The following RANBP9 variants were observed in gnomAD, a reference collection of about 807,000 sequenced individuals.
The protein encoded by RANBP9 is ran-binding protein 9.
Under a neutral mutation model 84.3 loss-of-function variants are expected in RANBP9, and 15 were observed. That is an observed-to-expected ratio of 0.18 (90% CI 0.12 to 0.27). RANBP9 has a LOEUF of 0.27. RANBP9 is among the 10% of genes least tolerant of loss of function. RANBP9 has a pLI of 1.00. For synonymous variants in RANBP9, 392 were observed against 349.6 expected (o/e 1.12, Z -1.35); for missense variants, 809 against 912.8 (o/e 0.89, Z 1.46).
At chr6:13,622,649 G>A (rs1267138284) in intron 13 of RANBP9, among the ~76,000 whole-genome samples, 157 bp from the exon 14 acceptor site, 1 of 148,726 alleles carries the variant, frequency 6.7e-6, no homozygotes, top group African/African-American at 2.6e-5. Context: ...GACAGATGCC[G>A]CCTTGGACAT....
At chr6:13,704,164 T>C (rs1758041282) in intron 1 of RANBP9, among the ~76,000 whole-genome samples, 1 of 152,216 alleles carries the variant, frequency 6.6e-6, no homozygotes, top group African/African-American at 2.4e-5. Context: ...GCAATAGTCT[T>C]CTAAATGAAT....
At chr6:13,655,933 G>T (rs932731516) in intron 4 of RANBP9, among the ~76,000 whole-genome samples, 4 of 152,148 alleles carry the variant, frequency 2.6e-5, no homozygotes, top group Non-Finnish European at 4.4e-5. Context: ...TTTGCATGGG[G>T]TCCTTAACAT....
In RANBP9 at chr6:13,711,256, GCGGCGGGGC is replaced by G; in HGVS notation, c.241_249del (p.Ala81_Pro83del). ...GGGGGAGGCGGGGGCGGCGGCGGGG[GCGGCGGGGC>G]CGCGGTGGCCGGGGGCGGCGGCGGC... is the stretch of plus-strand genomic sequence containing the variant. On this transcript the variant is annotated inframe_deletion, in exon 1 of 14. Coordinates refer to ENST00000011619, the MANE Select transcript of RANBP9 (RefSeq NM_005493.3). 1 of 981,586 alleles carries G rather than the reference GCGGCGGGGC, an allele frequency of 1.0e-6. No individual in the cohort carries two copies. The highest frequency in any genetic ancestry group is 1.2e-6 in the Non-Finnish European group (1 of 827,732). 60.8% of individuals were successfully genotyped at this position (981,586 alleles called of 1,614,324 possible).
chr6:13,694,058 A>G (rs1766386137), intron 2 of RANBP9, among the ~76,000 whole-genome samples: 1 of 152,200 alleles, frequency 6.6e-6, no homozygotes, highest in Admixed American at 6.5e-5. Flanking sequence ...AAAAACAAAA[A>G]CAAACAAACA....
At chr6:13,631,799 C>G (rs147538451) in intron 12 of RANBP9, among the ~76,000 whole-genome samples, 1 of 152,332 alleles carries the variant, frequency 6.6e-6, no homozygotes, top group African/African-American at 2.4e-5. Context: ...GGCTACTTTA[C>G]TGAATTAGAT....
intron 4 of RANBP9, among the ~76,000 whole-genome samples, chr6:13,654,221 C>A (rs569801128): frequency 6.6e-6 from 1 of 152,048 alleles, no homozygotes; most frequent in South Asian, 2.1e-4. Flanking sequence ...AATCAGACCA[C>A]GAAAAGATGC....
At chr6:13,672,963 G>C (rs754857083) in intron 2 of RANBP9, among the ~76,000 whole-genome samples, 15 of 151,836 alleles carry the variant, frequency 9.9e-5, no homozygotes, top group Non-Finnish European at 2.2e-4. Context: ...AGAAGGAGAA[G>C]AAACAAAGAA....
rs774189458 is a variant in RANBP9 at position 13,658,850 on chromosome 6, G to A, written c.684-18C>T. The A allele has an allele frequency of 6.4e-7, 1 of 1,551,018 alleles. No individual in the cohort carries two copies. The highest frequency in any genetic ancestry group is 1.1e-5 in the South Asian group (1 of 89,678). ...CCATGTAACTGTTGGCGGAGGTTGG[G>A]GGAGAGAAGAAAAGGACATTATTAC... On this transcript the variant is annotated intron_variant, in intron 2 of 13. Transcript: ENST00000011619.
intron 2 of RANBP9, among the ~76,000 whole-genome samples, chr6:13,682,450 T>C (rs986168399): frequency 2.0e-5 from 3 of 150,422 alleles, no homozygotes; most frequent in Admixed American, 2.0e-4. Flanking sequence ...ATGTTCTTAA[T>C]ACATAATTTT....
chr6:13,678,497 A>G (rs1325194059), intron 2 of RANBP9, among the ~76,000 whole-genome samples: 1 of 152,236 alleles, frequency 6.6e-6, no homozygotes, highest in South Asian at 2.1e-4. Context: ...CTGAGTCTAC[A>G]GCCAAATCCA....
intron 2 of RANBP9, among the ~76,000 whole-genome samples, chr6:13,673,173 A>G (rs537022486): frequency 1.3e-5 from 2 of 152,172 alleles, no homozygotes; most frequent in African/African-American, 4.8e-5. Context: ...CACTCACTCT[A>G]TATAAAAGAA....
rs376211989 is a variant in RANBP9 at position 13,693,856 on chromosome 6, A to G, written c.683+2929T>C. Among the ~76,000 whole-genome samples, 25 of 152,204 alleles carry G rather than the reference A, an allele frequency of 1.6e-4. No individual in the cohort carries two copies. In the South Asian group the frequency reaches 4.6e-3, roughly 28 times the overall value. On this transcript the variant is annotated intron_variant, in intron 2 of 13. Coordinates refer to ENST00000011619, the MANE Select transcript of RANBP9 (RefSeq NM_005493.3). ...TCAGGCGCTCGAGACCAGCCTGGCC[A>G]ACATTGTGAAACCCTGTCTCTACTA...
In RANBP9 at chr6:13,649,055, G is replaced by A. The variant is rs76146777; in HGVS notation, c.927+3604C>T. On this transcript the variant is annotated intron_variant, in intron 5 of 13. Coordinates refer to ENST00000011619, the MANE Select transcript of RANBP9 (RefSeq NM_005493.3). ...GGTGCAGAACAATCTAGGTAAACTG[G>A]TTTTTCTGCAAATATACTTTCTCTC... is the stretch of plus-strand genomic sequence containing the variant. Among the ~76,000 whole-genome samples the A allele has an allele frequency of 3.6e-3, 553 of 152,262 alleles. 3 individuals carry two copies. Among genetic ancestry groups the A allele is most frequent in the African/African-American group, 0.013 (526 of 41,546 alleles).
At chr6:13,685,733 T>C (rs1766158545) in intron 2 of RANBP9, among the ~76,000 whole-genome samples, 1 of 151,934 alleles carries the variant, frequency 6.6e-6, no homozygotes, top group Non-Finnish European at 1.5e-5. Flanking sequence ...ATCGAGACCA[T>C]CCTGGCCAAC....
intron 2 of RANBP9, among the ~76,000 whole-genome samples, chr6:13,661,268 A>G (rs565301839): frequency 3.9e-5 from 6 of 152,326 alleles, no homozygotes; most frequent in Non-Finnish European, 7.4e-5. Flanking sequence ...AATACTCTCA[A>G]TATCATGCTG....
chr6:13,700,057 T>A (rs1042981838), intron 1 of RANBP9, among the ~76,000 whole-genome samples: 1 of 152,182 alleles, frequency 6.6e-6, no homozygotes, highest in Non-Finnish European at 1.5e-5. Context: ...CTTTTAAAAC[T>A]ACAAAGTCTT....
chr6:13,693,661 C>A (rs548768591), intron 2 of RANBP9, among the ~76,000 whole-genome samples: 2 of 152,232 alleles, frequency 1.3e-5, no homozygotes, highest in African/African-American at 4.8e-5. Context: ...TGTCACTCAA[C>A]AAGCACATGA....
Position 13,701,832 on chromosome 6 carries a change from T to C in RANBP9, c.572-4936A>G, listed in dbSNP as rs563341067. On this transcript the variant is annotated intron_variant, in intron 1 of 13. Transcript: ENST00000011619. ...CATTAGCTATGGTCATATTCAACTCTCCACTCTTTTATTACAAAGTGATCT... is the reference window on the plus strand; with the variant it reads ...CATTAGCTATGGTCATATTCAACTCCCCACTCTTTTATTACAAAGTGATCT... Among the ~76,000 whole-genome samples, 8 of 151,862 alleles carry C rather than the reference T, an allele frequency of 5.3e-5. No homozygotes were observed. The South Asian group carries it at 1.7e-3, about 32-fold the overall frequency.
At chr6:13,710,111 AAC>A (rs1249369200) in intron 1 of RANBP9, among the ~76,000 whole-genome samples, 4 of 152,300 alleles carry the variant, frequency 2.6e-5, no homozygotes, top group Admixed American at 6.5e-5. Flanking sequence ...GCTTTGTTTT[AAC>A]CTAGGAGAGG....
Sources: allele counts gnomAD v4.1 joint callset (sites outside exome capture counted in the v4.1 genomes callset), GRCh38; gene constraint gnomAD v4.1.1; transcripts MANE v1.5; gene names NCBI Gene and HGNC (gene_info 2026-07-23, HGNC 2026-07-21).